MAT1A: variants seen among roughly 807,000 people sequenced by gnomAD.
The protein encoded by MAT1A is S-adenosylmethionine synthase isoform type-1.
A neutral mutation model predicts 44.0 loss-of-function variants in MAT1A; 19 were observed. That is an observed-to-expected ratio of 0.43 (90% CI 0.30 to 0.63). MAT1A has a LOEUF of 0.63. Ranked by LOEUF, MAT1A falls within the 30% of genes least tolerant of loss-of-function variation. MAT1A has a pLI of 0.12. For synonymous variants in MAT1A, 205 were observed against 205.6 expected, an observed-to-expected ratio of 1.00 and a Z score of 0.03; for missense variants, 397 against 531.0, an observed-to-expected ratio of 0.75 and a Z score of 2.48.
chr10:80,273,914 G>C, intron 8 of MAT1A, 31 bp from the exon 9 acceptor site: 1 of 1,465,168 alleles, frequency 6.8e-7, no homozygotes. Context: ...AAGGGCATTG[G>C]AAGATGGAAC....
intron 3 of MAT1A, 78 bp from the exon 4 acceptor site, chr10:80,280,870 G>A (rs1841557927): frequency 8.8e-6 from 9 of 1,025,284 alleles, no homozygotes. Context: ...GGATGGCTCG[G>A]TTCCTGACAT....
At chr10:80,275,337 C>A in intron 6 of MAT1A, 138 bp from the exon 7 acceptor site, 1 of 785,828 alleles carries the variant, frequency 1.3e-6, no homozygotes, top group Non-Finnish European at 2.1e-6. Context: ...TCCTAAGACC[C>A]CTTAGCCCAG....
chr10:80,287,135 A>C (rs1190052264), intron 1 of MAT1A, among the ~76,000 whole-genome samples: 1 of 152,216 alleles, frequency 6.6e-6, no homozygotes, highest in Non-Finnish European at 1.5e-5. Flanking sequence ...CTGATCATTG[A>C]TTGTGAATGT....
At chr10:80,275,878 C>T (rs985855413) in intron 6 of MAT1A, among the ~76,000 whole-genome samples, 1 of 152,220 alleles carries the variant, frequency 6.6e-6, no homozygotes, top group Non-Finnish European at 1.5e-5. Flanking sequence ...CACAGCAGTG[C>T]CCTCAACCTC....
intron 3 of MAT1A, 105 bp from the exon 4 acceptor site, chr10:80,280,897 G>T (rs79072717): frequency 1.2e-6 from 1 of 840,774 alleles, no homozygotes; most frequent in Non-Finnish European, 2.0e-6. Flanking sequence ...TGGTGTCAGC[G>T]TGGGGGTTCC....
Position 80,273,779 on chromosome 10 carries a change from C to A in MAT1A, c.*2G>T, listed in dbSNP as rs770937613. The A allele has an allele frequency of 6.2e-7, 1 of 1,607,688 alleles. No individual in the cohort carries two copies. Among genetic ancestry groups the A allele is most frequent in the Non-Finnish European group, 8.5e-7 (1 of 1,174,796 alleles). ...TGAGACCAGGCCCAGCTCCCCCTGG[C>A]TCTAAAATACAAGCTTCCTGGGAAC... On this transcript the variant is annotated 3_prime_UTR_variant, in exon 9 of 9. Coordinates refer to ENST00000372213, the MANE Select transcript of MAT1A (RefSeq NM_000429.3).
chr10:80,280,869 G>T (rs769470979), intron 3 of MAT1A, 77 bp from the exon 4 acceptor site: 6 of 1,037,460 alleles, frequency 5.8e-6, no homozygotes, highest in Non-Finnish European at 7.6e-6. Flanking sequence ...TGGATGGCTC[G>T]GTTCCTGACA....
At chr10:80,279,565 A>T (rs1232448584) in intron 5 of MAT1A, among the ~76,000 whole-genome samples, 1 of 152,098 alleles carries the variant, frequency 6.6e-6, no homozygotes, top group Non-Finnish European at 1.5e-5. Context: ...AGGTGCCAGG[A>T]GGCCTGCGTC....
intron 1 of MAT1A, among the ~76,000 whole-genome samples, chr10:80,287,973 C>A (rs143439716): frequency 6.6e-5 from 10 of 152,260 alleles, no homozygotes; most frequent in Admixed American, 1.3e-4. Context: ...CACCTTACCC[C>A]CACCTCCTAT....
intron 1 of MAT1A, among the ~76,000 whole-genome samples, chr10:80,286,540 A>G (rs1841653148): frequency 6.6e-6 from 1 of 152,140 alleles, no homozygotes; most frequent in African/African-American, 2.4e-5. Context: ...TGACCTCTTC[A>G]ATTACTGTAG....
chr10:80,272,968 G>A lies in MAT1A; in HGVS notation c.*813C>T, dbSNP rs1429707612. On this transcript the variant is annotated 3_prime_UTR_variant, in exon 9 of 9. Coordinates refer to ENST00000372213, the MANE Select transcript of MAT1A (RefSeq NM_000429.3). ...ATCCCCTAATTTCCAGTAACCTCAG[G>A]CCTTCAGGACAGAGTCCATGGCCTC... 6.6e-6 allele frequency: 1 copy of A among 152,118 alleles called. No individual in the cohort carries two copies. The highest frequency in any genetic ancestry group is 1.5e-5 in the Non-Finnish European group (1 of 68,042). The allele number at this position is 152,118 out of a possible 1,614,324, so 9.4% of individuals were successfully genotyped here.
In MAT1A at chr10:80,280,761, C is replaced by A; in HGVS notation, c.324G>T (p.Val108=). ...GFDFKTCNVL[V]ALEQQSPDIA... Reference sequence around the variant, plus strand: ...TATCTGGGGATTGCTGCTCCAAAGCCACCAGCACGTTGCAAGTCTTGAAGT... The same window carrying A: ...TATCTGGGGATTGCTGCTCCAAAGCAACCAGCACGTTGCAAGTCTTGAAGT... Residue 108 remains valine, a synonymous_variant, in exon 4 of 9, where the codon GTG becomes GTT. Coordinates refer to ENST00000372213, the MANE Select transcript of MAT1A (RefSeq NM_000429.3). 6.2e-7 allele frequency: 1 copy of A among 1,614,230 alleles called. No individual in the cohort carries two copies. Among genetic ancestry groups the A allele is most frequent in the Non-Finnish European group, 8.5e-7 (1 of 1,180,048 alleles).
At position 80,275,095 on chromosome 10, in the gene MAT1A, G is replaced by A; in HGVS notation, c.873C>T (p.Asp291=). 6.2e-7 allele frequency: 1 copy of A among 1,600,638 alleles called. No individual in the cohort carries two copies. ...AGCGGGCAGCATATGCAGCTGAGCG[G>A]TCTACCTTGGTGTAGTCCTTCCCAG... ...AFSGKDYTKV[D]RSAAYAARWV... Residue 291 remains aspartate, a synonymous_variant, in exon 7 of 9, where the codon GAC becomes GAT. Coordinates refer to ENST00000372213, the MANE Select transcript of MAT1A (RefSeq NM_000429.3).
At chr10:80,278,516 C>T (rs951612729) in intron 5 of MAT1A, among the ~76,000 whole-genome samples, 3 of 152,298 alleles carry the variant, frequency 2.0e-5, no homozygotes, top group African/African-American at 7.2e-5. Context: ...ATCATGGGCC[C>T]CTTTCTTTGG....
Position 80,285,534 on chromosome 10 carries a change from G to A in MAT1A, c.147C>T (p.Asp49=). The part of the protein sequence containing the change: ...DAVLDAHLKQ[D]PNAKVACETV... ...TACCACAGGCCACCTTGGCATTGGGGTCTTGCTTGAGATGGGCATCCAGCA... is the reference window on the plus strand; with the variant it reads ...TACCACAGGCCACCTTGGCATTGGGATCTTGCTTGAGATGGGCATCCAGCA... The change falls in exon 2 of 9, where the codon GAC becomes GAT. Residue 49 remains aspartate, a synonymous_variant. Coordinates refer to ENST00000372213, the MANE Select transcript of MAT1A (RefSeq NM_000429.3). The A allele has an allele frequency of 6.2e-7, 1 of 1,614,140 alleles. No homozygotes were observed. Among genetic ancestry groups the A allele is most frequent in the East Asian group, 2.2e-5 (1 of 44,880 alleles).
intron 1 of MAT1A, among the ~76,000 whole-genome samples, chr10:80,287,104 G>T (rs1187498133): frequency 6.6e-6 from 1 of 152,178 alleles, no homozygotes; most frequent in African/African-American, 2.4e-5. Flanking sequence ...TTACCCATCA[G>T]AGTTCCTAGA....
At chr10:80,289,237 AATT>A in intron 1 of MAT1A, 93 bp downstream of exon 1, 1 of 977,818 alleles carries the variant, frequency 1.0e-6, no homozygotes. Flanking sequence ...AAATATGCAC[AATT>A]ATTATGTGTC....
At chr10:80,282,685 T>A (rs1424573096) in intron 3 of MAT1A, among the ~76,000 whole-genome samples, 1 of 152,034 alleles carries the variant, frequency 6.6e-6, no homozygotes, top group Non-Finnish European at 1.5e-5. Flanking sequence ...TCCCACTGAG[T>A]CTCAAAATCA....
chr10:80,281,445 T>C (rs1841566078), intron 3 of MAT1A, among the ~76,000 whole-genome samples: 1 of 151,958 alleles, frequency 6.6e-6, no homozygotes, highest in Non-Finnish European at 1.5e-5. Context: ...CGCGAGGCAC[T>C]GGTTTGGGGA....
Sources: gnomAD v4.1 joint callset for allele counts (sites outside exome capture counted in the v4.1 genomes callset) on GRCh38, gnomAD v4.1.1 for gene constraint, MANE v1.5 for transcripts, NCBI Gene and HGNC (gene_info 2026-07-23, HGNC 2026-07-21) for gene names.